Variants in KCNIP4 observed in about 807,000 individuals in gnomAD.
KCNIP4 encodes the protein potassium voltage-gated channel interacting protein 4, also known as Kv channel-interacting protein 4.
Under a neutral mutation model 34.0 loss-of-function variants are expected in KCNIP4, and 12 were observed. The ratio of observed to expected loss-of-function variants is 0.35; its 90% CI spans 0.23 to 0.57. The LOEUF (loss-of-function observed/expected upper bound fraction) is 0.57. Among genes scored for constraint, KCNIP4 ranks in the 20% least tolerant of loss-of-function variants. KCNIP4 has a pLI of 0.83. For synonymous variants in KCNIP4, 124 were observed against 102.2 expected (o/e 1.21, Z -1.29); for missense variants, 238 against 311.7 (o/e 0.76, Z 1.78).
chr4:21,908,338 T>G (rs907228662), intron 1 of KCNIP4, among the ~76,000 whole-genome samples: 9 of 152,132 alleles, frequency 5.9e-5, no homozygotes, highest in African/African-American at 2.2e-4. Flanking sequence ...GACTAGCTAA[T>G]CCCTACCCTC....
chr4:21,852,388 T>A (rs1220846191), intron 1 of KCNIP4: 4 of 152,178 alleles, frequency 2.6e-5, no homozygotes, highest in Non-Finnish European at 4.4e-5. Context: ...GTTCAGCTAC[T>A]TTTTAGGAAG....
intron 1 of KCNIP4, among the ~76,000 whole-genome samples, chr4:21,645,132 A>C (rs1560588723): frequency 6.6e-6 from 1 of 152,170 alleles, no homozygotes; most frequent in Non-Finnish European, 1.5e-5. Flanking sequence ...CATGATTTTT[A>C]CTTAAAATAA....
rs149073210 is a variant in KCNIP4, at chr4:21,477,178, C to T, written c.61+471393G>A. Reference sequence around the variant, plus strand: ...ATTTATGTTGACCATATTCCCAAAGCCAATTATTCTTCAGTTTTTCTATTC... The same window carrying T: ...ATTTATGTTGACCATATTCCCAAAGTCAATTATTCTTCAGTTTTTCTATTC... On this transcript the variant is annotated intron_variant, in intron 1 of 8. Transcript: ENST00000382152. Among the ~76,000 whole-genome samples the T allele has an allele frequency of 6.0e-3, 909 of 152,224 alleles. 12 individuals are homozygous for T. The highest frequency in any genetic ancestry group is 0.02 in the African/African-American group (842 of 41,546).
At chr4:21,236,068 G>T (rs145163634) in intron 1 of KCNIP4, among the ~76,000 whole-genome samples, 1 of 152,126 alleles carries the variant, frequency 6.6e-6, no homozygotes, top group Non-Finnish European at 1.5e-5. Flanking sequence ...GCTGAGGCAG[G>T]CAGATCGCTT....
At chr4:21,761,439 A>T (rs1339814062) in intron 1 of KCNIP4, among the ~76,000 whole-genome samples, 4 of 152,160 alleles carry the variant, frequency 2.6e-5, no homozygotes, top group African/African-American at 7.2e-5. Context: ...ATTTGATTAA[A>T]TCTATAAGGC....
intron 1 of KCNIP4, among the ~76,000 whole-genome samples, chr4:21,484,311 C>T (rs575150497): frequency 1.3e-5 from 2 of 152,102 alleles, no homozygotes; most frequent in African/African-American, 4.8e-5. Flanking sequence ...CCTGCAATCC[C>T]AGCTACTCAG....
intron 1 of KCNIP4, among the ~76,000 whole-genome samples, chr4:21,322,152 A>AGAAGGAAGGAAGGAAGGAAGGAAGGAAG (rs200900508): frequency 1.3e-4 from 18 of 136,676 alleles, no homozygotes; most frequent in African/African-American, 4.7e-4. Flanking sequence ...AGGGAGGGAC[A>AGAAGGAAGGAAGGAAGGAAGGAAGGAAG]GAAGGAAGGA....
chr4:21,025,341 G>A (rs1177879285), intron 1 of KCNIP4, among the ~76,000 whole-genome samples: 7 of 152,068 alleles, frequency 4.6e-5, no homozygotes, highest in East Asian at 1.9e-4. Context: ...CCTGTGTAAG[G>A]ATGGGCCAAT....
chr4:20,878,310 G>A lies in KCNIP4; in HGVS notation c.163+4298C>T, dbSNP rs116722923. 3.9e-4 allele frequency among the ~76,000 whole-genome samples: 59 copies of A among 152,128 alleles called. No homozygotes were observed. The South Asian group carries it at 4.2e-3, about 11-fold the overall frequency. On this transcript the variant is annotated intron_variant, in intron 2 of 8. Transcript: ENST00000382152. Reference sequence around the variant, plus strand: ...CATGACAATCCATTTTCTGATAATCGTAATCTTTTTTGTCTCCAATAAACC... The same window carrying A: ...CATGACAATCCATTTTCTGATAATCATAATCTTTTTTGTCTCCAATAAACC...
At chr4:21,682,862 TGGCACTCCAAAACACTTAC>T (rs989662659) in intron 1 of KCNIP4, among the ~76,000 whole-genome samples, 11 of 152,164 alleles carry the variant, frequency 7.2e-5, no homozygotes, top group Non-Finnish European at 4.4e-5. Flanking sequence ...GTATGGTTGG[TGGCACTCCAAAACACTTAC>T]GATAGTAACC....
At chr4:20,892,913 C>A (rs1726088196) in intron 1 of KCNIP4, among the ~76,000 whole-genome samples, 1 of 152,148 alleles carries the variant, frequency 6.6e-6, no homozygotes. Context: ...CTCCTCTGAA[C>A]AATTTGCCAA....
intron 3 of KCNIP4, among the ~76,000 whole-genome samples, chr4:20,792,309 G>C (rs184272292): frequency 3.9e-5 from 6 of 151,968 alleles, no homozygotes; most frequent in Non-Finnish European, 1.5e-5. Context: ...GGGGGCAGAG[G>C]TTGCAGTGAA....
At chr4:20,824,697 C>A (rs373566431) in intron 3 of KCNIP4, among the ~76,000 whole-genome samples, 1 of 151,930 alleles carries the variant, frequency 6.6e-6, no homozygotes, top group Non-Finnish European at 1.5e-5. Flanking sequence ...TGTGATTCTT[C>A]GACATTTATG....
At chr4:21,085,946 G>A (rs1239890934) in intron 1 of KCNIP4, among the ~76,000 whole-genome samples, 1 of 152,084 alleles carries the variant, frequency 6.6e-6, no homozygotes, top group Non-Finnish European at 1.5e-5. Flanking sequence ...AACAAGATGA[G>A]GGAATTCCAA....
intron 1 of KCNIP4, among the ~76,000 whole-genome samples, chr4:21,291,871 GAAAGAAA>G (rs1560259869): frequency 4.3e-4 from 4 of 9,354 alleles, no homozygotes; most frequent in African/African-American, 2.2e-3. Context: ...AAAAAAAAAA[GAAAGAAA>G]GAAAGAAAGA....
At chr4:21,127,570 C>T (rs1488641403) in intron 1 of KCNIP4, among the ~76,000 whole-genome samples, 1 of 152,184 alleles carries the variant, frequency 6.6e-6, no homozygotes, top group Non-Finnish European at 1.5e-5. Flanking sequence ...AGAATACAAA[C>T]ACTGTAGTGG....
At chr4:20,828,147 G>A (rs577507934) in intron 3 of KCNIP4, among the ~76,000 whole-genome samples, 34 of 152,306 alleles carry the variant, frequency 2.2e-4, no homozygotes, top group African/African-American at 7.9e-4. Context: ...AAGCTACAGG[G>A]ATCAGGCGCG....
chr4:21,648,947 T>C (rs1383440092), intron 1 of KCNIP4, among the ~76,000 whole-genome samples: 2 of 152,188 alleles, frequency 1.3e-5, no homozygotes, highest in African/African-American at 4.8e-5. Context: ...TTATGGAATG[T>C]CAGTTTGGTT....
At chr4:21,757,451 G>A (rs1056634367) in intron 1 of KCNIP4, among the ~76,000 whole-genome samples, 20 of 152,226 alleles carry the variant, frequency 1.3e-4, no homozygotes, top group Admixed American at 2.6e-4. Flanking sequence ...TCTGTCCCAA[G>A]AGAGCACTTA....
Sources: allele counts gnomAD v4.1 joint callset (sites outside exome capture counted in the v4.1 genomes callset), GRCh38; gene constraint gnomAD v4.1.1; transcripts MANE v1.5; gene names NCBI Gene and HGNC (gene_info 2026-07-23, HGNC 2026-07-21).